FBXO32: variants seen among roughly 807,000 people sequenced by gnomAD.
FBXO32 encodes F-box protein 32, also known as F-box only protein 32.
In FBXO32, 15 loss-of-function variants were observed where a neutral mutation model predicts 48.3. The ratio of observed to expected loss-of-function variants is 0.31; its 90% CI spans 0.21 to 0.48. FBXO32 has a LOEUF of 0.48. Among genes scored for constraint, FBXO32 ranks in the 20% least tolerant of loss-of-function variants. FBXO32 has a pLI of 0.99. For synonymous variants in FBXO32, 154 were observed against 165.9 expected (o/e 0.93, Z 0.55); for missense variants, 309 against 432.7 (o/e 0.71, Z 2.54).
chr8:123,531,884 C>T lies in FBXO32; in HGVS notation c.372+14G>A. On this transcript the variant is annotated intron_variant, in intron 4 of 8. Coordinates refer to ENST00000517956, the MANE Select transcript of FBXO32 (RefSeq NM_058229.4). ...GAAAGAGCCTGGATGAGCCTTTAGG[C>T]ACTTGAGACTTACCCGGACCACGTA... is the stretch of plus-strand genomic sequence containing the variant. 1 of 1,613,616 alleles carries T rather than the reference C, an allele frequency of 6.2e-7. No individual in the cohort carries two copies.
rs774281173 is a variant in FBXO32 at position 123,541,020 on chromosome 8, C to T, written c.-6G>A. 6.3e-7 allele frequency: 1 copy of T among 1,599,148 alleles called. No homozygotes were observed. The highest frequency in any genetic ancestry group is 8.5e-7 in the Non-Finnish European group (1 of 1,169,996). ...TCCTGCCCGAGGAATGGCATGGCAC[C>T]GCGAGCGGACTAGACGGATGGGGAG... On this transcript the variant is annotated 5_prime_UTR_variant, in exon 1 of 9. Coordinates refer to ENST00000517956, the MANE Select transcript of FBXO32 (RefSeq NM_058229.4).
intron 2 of FBXO32, among the ~76,000 whole-genome samples, chr8:123,533,787 G>A (rs1365018484): frequency 6.6e-6 from 1 of 151,932 alleles, no homozygotes; most frequent in East Asian, 1.9e-4. Flanking sequence ...CAGCCTGGGC[G>A]ACAGAGCGAG....
chr8:123,517,998 C>T (rs565013603), intron 4 of FBXO32, among the ~76,000 whole-genome samples: 55 of 152,304 alleles, frequency 3.6e-4, no homozygotes, highest in Admixed American at 6.5e-4. Context: ...AACTACTCCA[C>T]CCTGAAGCTA....
intron 4 of FBXO32, among the ~76,000 whole-genome samples, chr8:123,523,522 A>G (rs1412961750): frequency 6.6e-6 from 1 of 151,984 alleles, no homozygotes; most frequent in East Asian, 1.9e-4. Context: ...CCCAGGAGGC[A>G]GAGGTTGCAG....
In FBXO32 at chr8:123,521,012, C is replaced by T. The variant is rs9694707; in HGVS notation, c.373-6679G>A. Among the ~76,000 whole-genome samples the T allele has an allele frequency of 6.3e-3, 966 of 152,326 alleles. 12 individuals are homozygous for T. Among genetic ancestry groups the T allele is most frequent in the African/African-American group, 0.022 (925 of 41,578 alleles). On this transcript the variant is annotated intron_variant, in intron 4 of 8. Coordinates refer to ENST00000517956, the MANE Select transcript of FBXO32 (RefSeq NM_058229.4). ...CCCATCCCTCAGGTCTCAGTTCAAA[C>T]GTGGCCTGCCCCGGGCTCAGAGGGC...
At position 123,504,387 on chromosome 8, in the gene FBXO32, G is replaced by A. The variant is rs980973947; in HGVS notation, c.978+217C>T. 1.8e-4 allele frequency among the ~76,000 whole-genome samples: 28 copies of A among 152,172 alleles called. 1 individual carries two copies. The highest frequency in any genetic ancestry group is 6.0e-4 in the African/African-American group (25 of 41,522). On this transcript the variant is annotated intron_variant, in intron 8 of 8. Transcript: ENST00000517956. ...GGATTTAAGGGGGAGTGGGTGGAAC[G>A]CAGAAAAAAGTAAACATAAGAAAGT... is the stretch of plus-strand genomic sequence containing the variant.
chr8:123,534,749 G>C lies in FBXO32; in HGVS notation c.182C>G (p.Ala61Gly), dbSNP rs1817277739. ...LFNSLNYDVA[A>G]KKRKKDMLNS... is the part of the protein sequence containing the mutation. ...CAGCATGTCCTTCTTTCTCTTCTTG[G>C]CTGCAACATCATAGTTCAGGCTGTT... The change falls in exon 2 of 9, where the codon GCC (alanine) becomes GGC (glycine). Residue 61 changes from alanine to glycine, a missense_variant. Ala to Gly is a moderately conservative substitution (Grantham distance 60). Coordinates refer to ENST00000517956, the MANE Select transcript of FBXO32 (RefSeq NM_058229.4). 6.2e-7 allele frequency: 1 copy of C among 1,613,690 alleles called. No individual in the cohort carries two copies. The highest frequency in any genetic ancestry group is 1.3e-5 in the African/African-American group (1 of 75,022).
chr8:123,504,497 G>T, intron 8 of FBXO32, 107 bp downstream of exon 8: 1 of 950,470 alleles, frequency 1.1e-6, no homozygotes, highest in Non-Finnish European at 1.5e-6. Context: ...GCTGGGGGCT[G>T]TGATGGGGAA....
intron 4 of FBXO32, among the ~76,000 whole-genome samples, chr8:123,527,825 G>C (rs541478666): frequency 1.6e-4 from 25 of 152,108 alleles, no homozygotes; most frequent in Non-Finnish European, 3.1e-4. Flanking sequence ...TTACAGTTTA[G>C]AGAAGTAAAA....
At chr8:123,534,035 G>A (rs1051991979) in intron 2 of FBXO32, among the ~76,000 whole-genome samples, 2 of 151,498 alleles carry the variant, frequency 1.3e-5, no homozygotes, top group Admixed American at 6.6e-5. Context: ...GGAGGTTGCA[G>A]TGAGCTAAGA....
At chr8:123,517,114 G>A (rs908166372) in intron 4 of FBXO32, among the ~76,000 whole-genome samples, 5 of 152,112 alleles carry the variant, frequency 3.3e-5, no homozygotes, top group Admixed American at 1.3e-4. Flanking sequence ...CAAAAGCCTC[G>A]GGTCGGCTTT....
chr8:123,524,172 C>A (rs1031933335), intron 4 of FBXO32, among the ~76,000 whole-genome samples: 1 of 152,168 alleles, frequency 6.6e-6, no homozygotes, highest in Non-Finnish European at 1.5e-5. Context: ...TTCAAATACC[C>A]TACTACATCT....
In FBXO32 at chr8:123,502,488, A is replaced by G. The variant is rs1816516539; in HGVS notation, c.*885T>C. 6.6e-6 allele frequency: 1 copy of G among 152,216 alleles called. No individual in the cohort carries two copies. Among genetic ancestry groups the G allele is most frequent in the Non-Finnish European group, 1.5e-5 (1 of 68,092 alleles). 9.4% of individuals were successfully genotyped at this position (152,216 alleles called of 1,614,324 possible). ...AGACAGGCTGGAGTGCAGTGGCACA[A>G]TCATAGCTCACTGCAAACCTCAGAC... On this transcript the variant is annotated 3_prime_UTR_variant, in exon 9 of 9. Transcript: ENST00000517956.
At position 123,525,850 on chromosome 8, in the gene FBXO32, T is replaced by G. The variant is rs1817062161; in HGVS notation, c.372+6048A>C. On this transcript the variant is annotated intron_variant, in intron 4 of 8. Coordinates refer to ENST00000517956, the MANE Select transcript of FBXO32 (RefSeq NM_058229.4). This position sits in a 1 kb window ranked among gnomAD's most constrained non-coding sequence, Gnocchi z 4.3. Reference sequence around the variant, plus strand: ...AGTAACAGATTTATAATTTGCTGGTTGATGGCATCTGGGGATGCCAGAGCC... The same window carrying G: ...AGTAACAGATTTATAATTTGCTGGTGGATGGCATCTGGGGATGCCAGAGCC... 6.6e-6 allele frequency among the ~76,000 whole-genome samples: 1 copy of G among 152,192 alleles called. No individual in the cohort carries two copies.
chr8:123,519,293 C>T (rs955028548), intron 4 of FBXO32, among the ~76,000 whole-genome samples: 3 of 152,146 alleles, frequency 2.0e-5, no homozygotes, highest in Non-Finnish European at 4.4e-5. Context: ...GCGGCTCACG[C>T]CTGTAATCCC....
chr8:123,508,307 C>T (rs56238509), intron 6 of FBXO32, among the ~76,000 whole-genome samples: 13,565 of 152,186 alleles, frequency 0.089, 646 homozygotes, highest in Non-Finnish European at 0.1. Context: ...CAGTTCTCTC[C>T]TGTGTCCCCA....
chr8:123,508,897 C>T (rs1237336084), intron 6 of FBXO32, among the ~76,000 whole-genome samples: 2 of 152,194 alleles, frequency 1.3e-5, no homozygotes, highest in Non-Finnish European at 2.9e-5. Context: ...ATGCTAAGCC[C>T]TTCCTCCTGA....
rs1255391276 is a variant in FBXO32, at chr8:123,506,288, G to T, written c.834+104C>A. ...TTTTTCAGTCAAACCAGGGAACCTG[G>T]AATAGGGGGAACCCAGACCTCAGGC... On this transcript the variant is annotated intron_variant, in intron 7 of 8. Coordinates refer to ENST00000517956, the MANE Select transcript of FBXO32 (RefSeq NM_058229.4). The surrounding 1 kb of genome is among the most constrained non-coding windows in gnomAD (Gnocchi z 4.0). 1.6e-6 allele frequency: 2 copies of T among 1,270,384 alleles called. No homozygotes were observed. The highest frequency in any genetic ancestry group is 4.4e-5 in the Admixed American group (2 of 45,178). The allele number at this position is 1,270,384 out of a possible 1,614,324, so 78.7% of individuals were successfully genotyped here.
intron 6 of FBXO32, among the ~76,000 whole-genome samples, chr8:123,509,740 G>C (rs1816699757): frequency 6.6e-6 from 1 of 151,940 alleles, no homozygotes; most frequent in African/African-American, 2.4e-5. Flanking sequence ...AACAAAAAAA[G>C]AAAAGCCCTT....
Sources: gnomAD v4.1 joint callset for allele counts (sites outside exome capture counted in the v4.1 genomes callset) on GRCh38, gnomAD v4.1.1 for gene constraint, Gnocchi (gnomAD v3.1) non-coding constraint, MANE v1.5 for transcripts, NCBI Gene and HGNC (gene_info 2026-07-23, HGNC 2026-07-21) for gene names.